Variants in PTPRM observed in about 807,000 individuals in gnomAD.
PTPRM encodes the protein protein tyrosine phosphatase receptor type M, also known as receptor-type tyrosine-protein phosphatase mu.
A neutral mutation model predicts 186.7 loss-of-function variants in PTPRM; 47 were observed. The ratio of observed to expected loss-of-function variants is 0.25; its 90% confidence interval spans 0.20 to 0.32. The LOEUF is 0.32. Among genes scored for constraint, PTPRM ranks in the 10% least tolerant of loss-of-function variants. The pLI, the probability that PTPRM is intolerant of heterozygous loss-of-function variation, is 1.00. For missense variants in PTPRM, 1,494 were observed against 1,865.0 expected (o/e 0.80, Z 3.66); for synonymous variants, 668 against 674.9 (o/e 0.99, Z 0.16).
At chr18:7,622,428 A>C (rs888461656) in intron 1 of PTPRM, among the ~76,000 whole-genome samples, 4 of 152,030 alleles carry the variant, frequency 2.6e-5, no homozygotes, top group Admixed American at 2.6e-4. Flanking sequence ...CCAGGGGTCT[A>C]TACTGGGTTT....
At chr18:7,965,893 A>G (rs2054009809) in intron 7 of PTPRM, among the ~76,000 whole-genome samples, 1 of 152,218 alleles carries the variant, frequency 6.6e-6, no homozygotes, top group Non-Finnish European at 1.5e-5. Flanking sequence ...ACTCAGTGGC[A>G]TCTGGCCTCC....
chr18:7,583,583 C>T (rs745308358), intron 1 of PTPRM, among the ~76,000 whole-genome samples: 8 of 152,168 alleles, frequency 5.3e-5, no homozygotes, highest in Admixed American at 6.5e-5. Flanking sequence ...GTACTTACTG[C>T]TATTTTACAG....
chr18:8,182,381 C>G (rs28549744), intron 14 of PTPRM, among the ~76,000 whole-genome samples: 4,949 of 152,250 alleles, frequency 0.033, 250 homozygotes, highest in African/African-American at 0.11. Flanking sequence ...CTCCTCAAGA[C>G]TCTCGTATAT....
intron 3 of PTPRM, among the ~76,000 whole-genome samples, chr18:7,893,475 C>T (rs951954355): frequency 3.3e-5 from 5 of 152,134 alleles, no homozygotes; most frequent in African/African-American, 1.2e-4. Flanking sequence ...TCTCCACTCT[C>T]CTAAAAACCT....
chr18:8,119,853 T>C (rs546331488), intron 13 of PTPRM, among the ~76,000 whole-genome samples: 95 of 152,280 alleles, frequency 6.2e-4, no homozygotes, highest in African/African-American at 1.7e-3. Flanking sequence ...GTCTTCAAAG[T>C]GTAGGATTGG....
chr18:8,100,905 CTGATATTCTG>C (rs1306189657), intron 11 of PTPRM, among the ~76,000 whole-genome samples: 4 of 152,184 alleles, frequency 2.6e-5, no homozygotes, highest in Admixed American at 2.6e-4. Context: ...ATCTTCTATG[CTGATATTCTG>C]TGGTTATCAC....
intron 13 of PTPRM, among the ~76,000 whole-genome samples, chr18:8,120,482 TTC>T (rs1254504113): frequency 2.7e-5 from 4 of 147,746 alleles, no homozygotes; most frequent in African/African-American, 1.0e-4. Context: ...TTCTTTTTCT[TTC>T]TTTCTTTCTT....
At position 7,955,427 on chromosome 18, in the gene PTPRM, A is replaced by C. The variant is rs1362531604; in HGVS notation, c.1132+13A>C. 2.5e-6 allele frequency: 4 copies of C among 1,599,446 alleles called. No homozygotes were observed. Among genetic ancestry groups the C allele is most frequent in the Admixed American group, 1.7e-5 (1 of 59,388 alleles). On this transcript the variant is annotated intron_variant, in intron 7 of 32. Transcript: ENST00000580170. Reference sequence around the variant, plus strand: ...ACAAAGTGTGCTGGTGAGTATAAGGAACCCTGCAATTAATTGTCATTGTCT... The same window carrying C: ...ACAAAGTGTGCTGGTGAGTATAAGGCACCCTGCAATTAATTGTCATTGTCT...
chr18:7,885,361 A>C (rs2048730784), intron 2 of PTPRM, among the ~76,000 whole-genome samples: 1 of 152,166 alleles, frequency 6.6e-6, no homozygotes, highest in Non-Finnish European at 1.5e-5. Flanking sequence ...GAGTGGAAAG[A>C]GGAATGAAAC....
At chr18:8,183,018 G>A (rs2093597657) in intron 14 of PTPRM, among the ~76,000 whole-genome samples, 1 of 152,128 alleles carries the variant, frequency 6.6e-6, no homozygotes, top group Non-Finnish European at 1.5e-5. Context: ...TGTATTTAAC[G>A]ATGTACTGTT....
chr18:7,697,916 A>G (rs1170987792), intron 1 of PTPRM, among the ~76,000 whole-genome samples: 2 of 152,198 alleles, frequency 1.3e-5, no homozygotes, highest in Admixed American at 6.5e-5. Flanking sequence ...CTTTGTGCCA[A>G]TTATTGCCAA....
intron 28 of PTPRM, among the ~76,000 whole-genome samples, chr18:8,379,799 G>A (rs1351417064): frequency 2.0e-5 from 3 of 152,260 alleles, no homozygotes; most frequent in East Asian, 1.9e-4. Flanking sequence ...GTGCTAACAC[G>A]GAAATTTTAA....
At chr18:8,348,922 G>A (rs2095519774) in intron 23 of PTPRM, among the ~76,000 whole-genome samples, 1 of 152,092 alleles carries the variant, frequency 6.6e-6, no homozygotes, top group African/African-American at 2.4e-5. Flanking sequence ...AGAGAAGTGG[G>A]GACCAGAGCT....
chr18:8,081,912 A>G (rs1328573891), intron 9 of PTPRM, among the ~76,000 whole-genome samples: 1 of 152,114 alleles, frequency 6.6e-6, no homozygotes, highest in Non-Finnish European at 1.5e-5. Flanking sequence ...ATTTTTACCA[A>G]ATTGTCAAAG....
chr18:8,134,827 C>G (rs1470925210), intron 13 of PTPRM, among the ~76,000 whole-genome samples: 1 of 152,034 alleles, frequency 6.6e-6, no homozygotes, highest in East Asian at 1.9e-4. Flanking sequence ...GCAATAACCA[C>G]TTGAGTTTTC....
chr18:8,121,963 C>G (rs1304856259), intron 13 of PTPRM: 2 of 152,046 alleles, frequency 1.3e-5, no homozygotes, highest in Non-Finnish European at 2.9e-5. Context: ...TCCTTTTTTT[C>G]TTCTTCAGTT....
chr18:8,248,694 G>A (rs965206602), intron 17 of PTPRM, among the ~76,000 whole-genome samples: 5 of 151,940 alleles, frequency 3.3e-5, no homozygotes, highest in East Asian at 1.9e-4. Context: ...ACCCATCCTC[G>A]GTGCCACTCA....
At chr18:8,097,761 A>G (rs2091082402) in intron 11 of PTPRM, among the ~76,000 whole-genome samples, 1 of 152,216 alleles carries the variant, frequency 6.6e-6, no homozygotes, top group Non-Finnish European at 1.5e-5. Flanking sequence ...GAGAGCAATC[A>G]GTAGAAAAGC....
At chr18:7,730,123 G>C (rs2040627561) in intron 1 of PTPRM, among the ~76,000 whole-genome samples, 2 of 152,086 alleles carry the variant, frequency 1.3e-5, no homozygotes, top group Admixed American at 1.3e-4. Flanking sequence ...ATGGACCCTT[G>C]TAAATGAAAG....
Sources: allele counts gnomAD v4.1 joint callset (sites outside exome capture counted in the v4.1 genomes callset), GRCh38; gene constraint gnomAD v4.1.1; transcripts MANE v1.5; gene names NCBI Gene and HGNC (gene_info 2026-07-23, HGNC 2026-07-21).